The following KLHDC2 variants were observed in gnomAD, a reference collection of about 807,000 sequenced individuals.
The protein encoded by KLHDC2 is kelch domain containing 2, also known as kelch domain-containing protein 2.
Under a neutral mutation model 62.3 loss-of-function variants are expected in KLHDC2, and 38 were observed. The ratio of observed to expected loss-of-function variants is 0.61; its 90% CI spans 0.47 to 0.80. The LOEUF is 0.80. Ranked by LOEUF, KLHDC2 falls within the 30% of genes least tolerant of loss-of-function variation. The pLI, the probability that KLHDC2 is intolerant of heterozygous loss-of-function variation, is 0.00. For synonymous variants in KLHDC2, 159 were observed against 161.0 expected, an observed-to-expected ratio of 0.99 and a Z score of 0.09; for missense variants, 430 against 495.3, an observed-to-expected ratio of 0.87 and a Z score of 1.25.
chr14:49,778,075 GAATT>G (rs1319092260), intron 4 of KLHDC2, 99 bp from the exon 5 acceptor site: 5 of 918,014 alleles, frequency 5.4e-6, no homozygotes, highest in African/African-American at 5.0e-5. Context: ...AAGATTAACT[GAATT>G]AATACATGAA....
intron 2 of KLHDC2, among the ~76,000 whole-genome samples, chr14:49,773,041 G>T (rs367579837): frequency 6.6e-6 from 1 of 152,134 alleles, no homozygotes; most frequent in Non-Finnish European, 1.5e-5. Context: ...ATATGAAGCT[G>T]TTTCTTAATC....
intron 1 of KLHDC2, among the ~76,000 whole-genome samples, chr14:49,769,770 C>T (rs987596959): frequency 1.3e-5 from 1 of 77,922 alleles, no homozygotes; most frequent in Non-Finnish European, 2.5e-5. Context: ...AACTCCGTCT[C>T]TACTAAAAAT....
In KLHDC2 at chr14:49,780,298, T is replaced by C; in HGVS notation, c.859T>C (p.Phe287Leu). ...SSDHLFLFGGFTTDKQPLSDA... is the reference protein window; with the variant it reads ...SSDHLFLFGGLTTDKQPLSDA... ...AGATCATCTTTTTCTCTTTGGAGGA[T>C]TTACCACTGATAAACAGCCACTAAG... Residue 287 changes from phenylalanine to leucine, a missense_variant, in exon 9 of 13, where the codon TTT (phenylalanine) becomes CTT (leucine). Physicochemically the swap from Phe to Leu is conservative, Grantham distance 22. Transcript: ENST00000298307. 1 of 1,610,004 alleles carries C rather than the reference T, an allele frequency of 6.2e-7. No homozygotes were observed. The highest frequency in any genetic ancestry group is 2.2e-5 in the East Asian group (1 of 44,842).
At chr14:49,777,175 C>T (rs1458275947) in intron 3 of KLHDC2, among the ~76,000 whole-genome samples, 4 of 152,108 alleles carry the variant, frequency 2.6e-5, no homozygotes, top group Non-Finnish European at 4.4e-5. Context: ...TATGTTCTCA[C>T]TCATAAGTGG....
rs1478680639 is a variant in KLHDC2, at chr14:49,782,988, G to A, written c.*35G>A. ...AATAATGCCTATGATCACCTTGCAT[G>A]GACAGCAATCCTGTAAACATCACAG... On this transcript the variant is annotated 3_prime_UTR_variant, in exon 13 of 13. Transcript: ENST00000298307. 5 of 1,598,800 alleles carry A rather than the reference G, an allele frequency of 3.1e-6. No homozygotes were observed. The highest frequency in any genetic ancestry group is 4.3e-6 in the Non-Finnish European group (5 of 1,171,586).
At chr14:49,781,547 G>A (rs1048259353) in intron 10 of KLHDC2, among the ~76,000 whole-genome samples, 1 of 151,846 alleles carries the variant, frequency 6.6e-6, no homozygotes, top group Non-Finnish European at 1.5e-5. Context: ...TGGGCAACTT[G>A]GCAAAACCCC....
intron 10 of KLHDC2, among the ~76,000 whole-genome samples, chr14:49,781,297 A>G (rs1889894957): frequency 6.7e-6 from 1 of 150,322 alleles, no homozygotes; most frequent in South Asian, 2.1e-4. Context: ...TGAACCAGGA[A>G]GGCAGAGGTT....
chr14:49,784,668 C>T lies in KLHDC2; in HGVS notation c.*1715C>T, dbSNP rs879309624. On this transcript the variant is annotated 3_prime_UTR_variant, in exon 13 of 13. Coordinates refer to ENST00000298307, the MANE Select transcript of KLHDC2 (RefSeq NM_014315.3). ...CTTTTTACGTTCAGAAGATTGGGTG[C>T]AGACACTTTCACTTTGCCAGGAATG... The T allele has an allele frequency of 5.0e-6, 8 of 1,611,976 alleles. No individual in the cohort carries two copies. Among genetic ancestry groups the T allele is most frequent in the Non-Finnish European group, 6.8e-6 (8 of 1,179,004 alleles).
At position 49,783,205 on chromosome 14, in the gene KLHDC2, T is replaced by C. The variant is rs553643290; in HGVS notation, c.*252T>C. The C allele has an allele frequency of 4.2e-5, 13 of 305,960 alleles. No homozygotes were observed. Among genetic ancestry groups the C allele is most frequent in the Non-Finnish European group, 7.7e-5 (13 of 168,064 alleles). 19.0% of individuals were successfully genotyped at this position (305,960 alleles called of 1,614,324 possible). A position where few individuals can be genotyped will look rare whatever the true frequency, so the allele number is the denominator to read the frequency against. On this transcript the variant is annotated 3_prime_UTR_variant, in exon 13 of 13. Transcript: ENST00000298307. ...TACCCTGAAGAATGGTTGCTACATTTTCTTTTCAGTAACTTCAGGATATGT... is the reference window on the plus strand; with the variant it reads ...TACCCTGAAGAATGGTTGCTACATTCTCTTTTCAGTAACTTCAGGATATGT...
At position 49,784,809 on chromosome 14, in the gene KLHDC2, G is replaced by T; in HGVS notation, c.*1856G>T. 7.1e-7 allele frequency: 1 copy of T among 1,410,494 alleles called. No individual in the cohort carries two copies. Among genetic ancestry groups the T allele is most frequent in the Non-Finnish European group, 9.9e-7 (1 of 1,006,446 alleles). 87.4% of individuals were successfully genotyped at this position (1,410,494 alleles called of 1,614,324 possible). ...GAAAAACATTTCCAAACTTTTAGCT[G>T]AGATGGTTTTACTGCTTCTAATAAG... On this transcript the variant is annotated 3_prime_UTR_variant, in exon 13 of 13. Transcript: ENST00000298307.
Position 49,784,692 on chromosome 14 carries a change from T to A in KLHDC2, c.*1739T>A, listed in dbSNP as rs1212099232. On this transcript the variant is annotated 3_prime_UTR_variant, in exon 13 of 13. Coordinates refer to ENST00000298307, the MANE Select transcript of KLHDC2 (RefSeq NM_014315.3). ...GCAGACACTTTCACTTTGCCAGGAA[T>A]GTTTCTTGATAAATCTGTGTCCTAA... The A allele has an allele frequency of 6.2e-7, 1 of 1,613,016 alleles. No individual in the cohort carries two copies. Among genetic ancestry groups the A allele is most frequent in the Non-Finnish European group, 8.5e-7 (1 of 1,179,184 alleles).
At chr14:49,770,756 G>A (rs1889646638) in intron 1 of KLHDC2, among the ~76,000 whole-genome samples, 1 of 152,204 alleles carries the variant, frequency 6.6e-6, no homozygotes, top group Admixed American at 6.5e-5. Context: ...TGTGGCATAT[G>A]GTAGGCTCAG....
chr14:49,782,593 C>T lies in KLHDC2; in HGVS notation c.1096C>T (p.Arg366Trp), dbSNP rs749817777. The change falls in exon 12 of 13, where the codon CGG (arginine) becomes TGG (tryptophan). Residue 366 changes from arginine to tryptophan, a missense_variant and splice_region_variant. By Grantham distance (101) the Arg-to-Trp change is moderately radical. Coordinates refer to ENST00000298307, the MANE Select transcript of KLHDC2 (RefSeq NM_014315.3). ...TTCAGTTCAACCAAAATCTCTTGTA[C>T]GGTAAGTAACTTTGTACTTGGCACT... is the stretch of plus-strand genomic sequence containing the variant. ...IFSVQPKSLVRLSLEAVICFK... is the reference protein window; with the variant it reads ...IFSVQPKSLVWLSLEAVICFK... 1.9e-4 allele frequency: 311 copies of T among 1,598,808 alleles called. No individual in the cohort carries two copies. Among genetic ancestry groups the T allele is most frequent in the Non-Finnish European group, 2.4e-4 (284 of 1,169,752 alleles).
At chr14:49,780,569 AG>A (rs112035517) in intron 9 of KLHDC2, 133 bp from the exon 10 acceptor site, 14 of 704,782 alleles carry the variant, frequency 2.0e-5, no homozygotes, top group African/African-American at 1.9e-4. Context: ...GGCTAATTGC[AG>A]GGGGGGGAAA....
rs573143913 is a variant in KLHDC2 at position 49,771,577 on chromosome 14, AT to A, written c.154-9del. On this transcript the variant is annotated splice_polypyrimidine_tract_variant and intron_variant, in intron 1 of 12. Transcript: ENST00000298307. ...TAAAATACCAGTTTTTATATTTACA[AT>A]TTTTTTTATTCTTAGAGTAATCAAG... The A allele has an allele frequency of 1.3e-4, 151 of 1,146,472 alleles. No individual in the cohort carries two copies. Among genetic ancestry groups the A allele is most frequent in the Middle Eastern group, 2.0e-4 (1 of 5,062 alleles). The allele number at this position is 1,146,472 out of a possible 1,614,324, so 71.0% of individuals were successfully genotyped here.
intron 6 of KLHDC2, 117 bp from the exon 7 acceptor site, chr14:49,779,478 A>G: frequency 1.5e-6 from 1 of 675,446 alleles, no homozygotes; most frequent in Non-Finnish European, 2.5e-6. Context: ...AGAAGTCTAC[A>G]CTCCCAACTT....
rs143053731 is a variant in KLHDC2 at position 49,786,060 on chromosome 14, C to G, written c.*3107C>G. ...TTTCTCGTCCTGGGGAGATTCTGCC[C>G]TCAGAAGACAATGGGCAATGTCTAG... On this transcript the variant is annotated 3_prime_UTR_variant, in exon 13 of 13. Transcript: ENST00000298307. The G allele has an allele frequency of 4.4e-4, 67 of 152,668 alleles. 2 individuals carry two copies. The East Asian group carries it at 9.1e-3, about 21-fold the overall frequency. The allele number at this position is 152,668 out of a possible 1,614,324, so 9.5% of individuals were successfully genotyped here.
intron 2 of KLHDC2, among the ~76,000 whole-genome samples, chr14:49,772,404 GTGT>G (rs1244532243): frequency 1.3e-5 from 2 of 152,168 alleles, no homozygotes; most frequent in East Asian, 3.8e-4. Flanking sequence ...TTTAAAAATA[GTGT>G]TGTTCTGTTT....
chr14:49,780,340 A>G lies in KLHDC2; in HGVS notation c.883+18A>G, dbSNP rs1217590279. The G allele has an allele frequency of 2.0e-5, 29 of 1,418,832 alleles. No homozygotes were observed. The highest frequency in any genetic ancestry group is 2.7e-5 in the Non-Finnish European group (27 of 1,002,204). 87.9% of individuals were successfully genotyped at this position (1,418,832 alleles called of 1,614,324 possible). ...GCCACTAAGTAAGTCCTTGAAAAATATGATAATGAAATCATCATATATCAT... is the reference window on the plus strand; with the variant it reads ...GCCACTAAGTAAGTCCTTGAAAAATGTGATAATGAAATCATCATATATCAT... On this transcript the variant is annotated intron_variant, in intron 9 of 12. Transcript: ENST00000298307.
Sources: gnomAD v4.1 joint callset for allele counts (sites outside exome capture counted in the v4.1 genomes callset) on GRCh38, gnomAD v4.1.1 for gene constraint, MANE v1.5 for transcripts, NCBI Gene and HGNC (gene_info 2026-07-23, HGNC 2026-07-21) for gene names.